The following GPC5 variants were observed in gnomAD, a reference collection of about 807,000 sequenced individuals.
The protein encoded by GPC5 is glypican 5, also known as glypican-5.
Under a neutral mutation model 53.9 loss-of-function variants are expected in GPC5, and 47 were observed. The ratio of observed to expected loss-of-function variants is 0.87; its 90% CI spans 0.69 to 1.11. GPC5 has a LOEUF of 1.11. Among genes scored for constraint, GPC5 ranks in the 50% most tolerant of loss-of-function variants. GPC5 has a pLI of 0.00. For missense variants in GPC5, 748 were observed against 713.1 expected (o/e 1.05, Z -0.56); for synonymous variants, 286 against 263.3 (o/e 1.09, Z -0.84).
chr13:92,347,021 G>A (rs542165898), intron 7 of GPC5, among the ~76,000 whole-genome samples: 1 of 152,176 alleles, frequency 6.6e-6, no homozygotes, highest in South Asian at 2.1e-4. Flanking sequence ...ATGAAAAAAT[G>A]TAACGAAATC....
intron 2 of GPC5, among the ~76,000 whole-genome samples, chr13:91,632,336 A>T (rs2034178625): frequency 6.6e-6 from 1 of 152,076 alleles, no homozygotes; most frequent in South Asian, 2.1e-4. Context: ...GGAATTGGGG[A>T]TCTAAGGGAA....
At chr13:91,499,395 AG>A in intron 2 of GPC5, among the ~76,000 whole-genome samples, 1 of 152,256 alleles carries the variant, frequency 6.6e-6, no homozygotes, top group East Asian at 1.9e-4. Flanking sequence ...AGATGGAGAA[AG>A]TCAAGGATAA....
At chr13:91,964,303 C>T (rs551555273) in intron 6 of GPC5, among the ~76,000 whole-genome samples, 1 of 152,206 alleles carries the variant, frequency 6.6e-6, no homozygotes, top group African/African-American at 2.4e-5. Flanking sequence ...CAGCAGGTTG[C>T]TGGTGTGGGC....
chr13:91,452,804 C>T (rs568995104), intron 2 of GPC5, among the ~76,000 whole-genome samples: 1 of 151,656 alleles, frequency 6.6e-6, no homozygotes, highest in Admixed American at 6.6e-5. Flanking sequence ...ACATGACTTT[C>T]AAAAAATAAA....
At chr13:91,789,119 A>G (rs1172547132) in intron 5 of GPC5, among the ~76,000 whole-genome samples, 1 of 152,170 alleles carries the variant, frequency 6.6e-6, no homozygotes, top group East Asian at 1.9e-4. Context: ...AGACTGAAGC[A>G]GGAGAATCGC....
At chr13:92,312,965 G>A (rs975417008) in intron 7 of GPC5, among the ~76,000 whole-genome samples, 1 of 152,094 alleles carries the variant, frequency 6.6e-6, no homozygotes, top group East Asian at 1.9e-4. Flanking sequence ...TGAGGAAATG[G>A]GCTGCCTATA....
At chr13:92,618,687 T>TAAAAAAAAAAAAAAAAAAAAAAAAA (rs5805756) in intron 7 of GPC5, among the ~76,000 whole-genome samples, 1 of 137,990 alleles carries the variant, frequency 7.2e-6, no homozygotes, top group Non-Finnish European at 1.6e-5. Context: ...TAAAAAATGT[T>TAAAAAAAAAAAAAAAAAAAAAAAAA]AAAAAAAAAA....
At chr13:92,515,668 C>T (rs1157550642) in intron 7 of GPC5, among the ~76,000 whole-genome samples, 1 of 151,990 alleles carries the variant, frequency 6.6e-6, no homozygotes, top group Non-Finnish European at 1.5e-5. Flanking sequence ...AATCAATGAA[C>T]CCAATCAATA....
chr13:91,647,253 T>G (rs2034583317), intron 2 of GPC5, among the ~76,000 whole-genome samples: 1 of 152,170 alleles, frequency 6.6e-6, no homozygotes, highest in Non-Finnish European at 1.5e-5. Flanking sequence ...GCTGATTGCT[T>G]CATGGAAAAA....
intron 7 of GPC5, among the ~76,000 whole-genome samples, chr13:92,811,515 A>G (rs1045536756): frequency 1.3e-5 from 2 of 151,948 alleles, no homozygotes; most frequent in African/African-American, 2.4e-5. Flanking sequence ...CATTCTAGAT[A>G]TTAAAACATT....
chr13:91,666,706 A>G (rs991154126), intron 2 of GPC5, among the ~76,000 whole-genome samples: 5 of 152,096 alleles, frequency 3.3e-5, no homozygotes, highest in African/African-American at 1.2e-4. Context: ...AATTCTAAGC[A>G]TTGTAGCATT....
intron 7 of GPC5, among the ~76,000 whole-genome samples, chr13:92,556,240 T>C (rs1189719035): frequency 1.3e-5 from 2 of 151,796 alleles, no homozygotes; most frequent in African/African-American, 2.4e-5. Flanking sequence ...TGTAAAACAA[T>C]GTATACATCT....
At chr13:91,653,880 A>C (rs1430303489) in intron 2 of GPC5, among the ~76,000 whole-genome samples, 1 of 152,174 alleles carries the variant, frequency 6.6e-6, no homozygotes, top group African/African-American at 2.4e-5. Context: ...AAGCAAGTAA[A>C]ATCATCATCA....
intron 3 of GPC5, among the ~76,000 whole-genome samples, chr13:91,699,602 G>T (rs117297640): frequency 0.022 from 3,351 of 152,246 alleles, 51 homozygotes; most frequent in African/African-American, 0.032. Flanking sequence ...CAAAGAAAAA[G>T]AAAAGGCATA....
intron 7 of GPC5, among the ~76,000 whole-genome samples, chr13:92,165,425 G>A (rs141727308): frequency 0.018 from 2,737 of 152,244 alleles, 82 homozygotes; most frequent in African/African-American, 0.06. Flanking sequence ...AAGAAAAAAG[G>A]TTTAATTGAT....
At chr13:92,358,312 CCCCTGTGGCTCTGCAGGGAACAGA>C (rs2043539126) in intron 7 of GPC5, among the ~76,000 whole-genome samples, 1 of 149,856 alleles carries the variant, frequency 6.7e-6, no homozygotes. Flanking sequence ...GGCAACTCCA[CCCCTGTGGCTCTGCAGGGAACAGA>C]CCCTGTGGCT....
rs181307393 is a variant in GPC5 at position 92,548,262 on chromosome 13, C to A, written c.1562-318020C>A. On this transcript the variant is annotated intron_variant, in intron 7 of 7. Coordinates refer to ENST00000377067, the MANE Select transcript of GPC5 (RefSeq NM_004466.6). The stretch of plus-strand genomic sequence containing the variant: ...GGTTGGTTTAAGTGGGAAAAATCAT[C>A]ATTTTTAATTGAAGAAAATAAAATA... Among the ~76,000 whole-genome samples, 692 of 151,878 alleles carry A rather than the reference C, an allele frequency of 4.6e-3. 4 individuals are homozygous for A. The highest frequency in any genetic ancestry group is 0.037 in the Middle Eastern group (11 of 294).
intron 7 of GPC5, among the ~76,000 whole-genome samples, chr13:92,304,719 A>G (rs374315463): frequency 2.0e-5 from 3 of 152,206 alleles, no homozygotes; most frequent in Admixed American, 6.5e-5. Flanking sequence ...CTCATTAACA[A>G]TATTCATTTG....
chr13:91,864,917 T>A (rs574399991), intron 5 of GPC5, among the ~76,000 whole-genome samples: 73 of 149,630 alleles, frequency 4.9e-4, no homozygotes, highest in African/African-American at 1.5e-3. Context: ...TTTTTTTTTT[T>A]AATTTGAGAC....
Sources: gnomAD v4.1 joint callset for allele counts (sites outside exome capture counted in the v4.1 genomes callset) on GRCh38, gnomAD v4.1.1 for gene constraint, MANE v1.5 for transcripts, NCBI Gene and HGNC (gene_info 2026-07-23, HGNC 2026-07-21) for gene names.